Variants in RAB3C observed in about 807,000 individuals in gnomAD.
The protein encoded by RAB3C is RAB3C, member RAS oncogene family.
Under a neutral mutation model 26.4 loss-of-function variants are expected in RAB3C, and 17 were observed. That is an observed-to-expected ratio of 0.64 (90% CI 0.44 to 0.97). The LOEUF (loss-of-function observed/expected upper bound fraction) is 0.97, where lower values mean the gene tolerates loss of function less well. Among genes scored for constraint, RAB3C ranks in the 50% least tolerant of loss-of-function variants. The pLI, the probability that RAB3C is intolerant of heterozygous loss-of-function variation, is 0.00. For synonymous variants in RAB3C, 91 were observed against 95.9 expected (o/e 0.95, Z 0.30); for missense variants, 242 against 281.9 (o/e 0.86, Z 1.01).
At chr5:58,600,433 A>G (rs1024415107) in intron 1 of RAB3C, among the ~76,000 whole-genome samples, 10 of 151,972 alleles carry the variant, frequency 6.6e-5, no homozygotes, top group Non-Finnish European at 1.5e-4. Context: ...TTTTGGCAGT[A>G]TGGTCATTTT....
chr5:58,825,232 G>A (rs3749734), intron 4 of RAB3C, 70 bp downstream of exon 4: 316,554 of 1,418,816 alleles, frequency 0.22, 37,030 homozygotes, highest in South Asian at 0.32. Flanking sequence ...TACAGAGTCC[G>A]AGCTAATTGT....
rs1001030492 is a variant in RAB3C, at chr5:58,852,963, G to A, written c.*1612G>A. On this transcript the variant is annotated 3_prime_UTR_variant, in exon 5 of 5. Coordinates refer to ENST00000282878, the MANE Select transcript of RAB3C (RefSeq NM_138453.4). ...ATCTTTGGAGAATAAATCCTTACAA[G>A]TCACAGAACTAGGTCACACACATTA... The A allele has an allele frequency of 2.6e-5, 4 of 152,144 alleles. No homozygotes were observed. The highest frequency in any genetic ancestry group is 5.9e-5 in the Non-Finnish European group (4 of 68,034). The allele number at this position is 152,144 out of a possible 1,614,324, so 9.4% of individuals were successfully genotyped here. A position where few individuals can be genotyped will look rare whatever the true frequency, so the allele number is the denominator to read the frequency against.
intron 3 of RAB3C, among the ~76,000 whole-genome samples, chr5:58,774,869 G>A (rs1244119651): frequency 6.6e-6 from 1 of 152,156 alleles, no homozygotes; most frequent in Non-Finnish European, 1.5e-5. Flanking sequence ...AGCTGAGCGA[G>A]AGGTGGAACT....
chr5:58,824,562 TTTAAG>T, intron 3 of RAB3C, among the ~76,000 whole-genome samples: 1 of 152,234 alleles, frequency 6.6e-6, no homozygotes, highest in Non-Finnish European at 1.5e-5. Flanking sequence ...TCTTTAGCTC[TTTAAG>T]TTGTTACTGT....
At position 58,792,276 on chromosome 5, in the gene RAB3C, T is replaced by A. The variant is rs574503634; in HGVS notation, c.372-32762T>A. Among the ~76,000 whole-genome samples the A allele has an allele frequency of 2.0e-5, 3 of 152,288 alleles. No individual in the cohort carries two copies. The South Asian group carries it at 6.2e-4, about 32-fold the overall frequency. On this transcript the variant is annotated intron_variant, in intron 3 of 4. Coordinates refer to ENST00000282878, the MANE Select transcript of RAB3C (RefSeq NM_138453.4). ...TGGTGGCTTCTATATCTGGAATACT[T>A]CCAGGAATTAAGGAAAAGGTGAAGG...
rs1743728809 is a variant in RAB3C at position 58,835,579 on chromosome 5, C to T, written c.496+10417C>T. On this transcript the variant is annotated intron_variant, in intron 4 of 4. Coordinates refer to ENST00000282878, the MANE Select transcript of RAB3C (RefSeq NM_138453.4). ...TACCTGGATTTGGCTCAGAACTTCA[C>T]CTTTGCTCCTTCTCTTAGAATGATC... 5.9e-5 allele frequency among the ~76,000 whole-genome samples: 9 copies of T among 152,304 alleles called. No homozygotes were observed. The South Asian group carries it at 1.9e-3, about 32-fold the overall frequency.
intron 3 of RAB3C, among the ~76,000 whole-genome samples, chr5:58,784,544 A>G (rs1437269799): frequency 6.6e-6 from 1 of 152,086 alleles, no homozygotes; most frequent in Admixed American, 6.6e-5. Flanking sequence ...AAGCCATATC[A>G]CTCGGTTTAC....
chr5:58,796,620 G>A (rs1742655685), intron 3 of RAB3C, among the ~76,000 whole-genome samples: 1 of 152,172 alleles, frequency 6.6e-6, no homozygotes, highest in African/African-American at 2.4e-5. Flanking sequence ...GAGGCACCTG[G>A]AGACTGTCAT....
intron 3 of RAB3C, among the ~76,000 whole-genome samples, chr5:58,796,132 A>T (rs930499698): frequency 2.2e-4 from 33 of 152,322 alleles, no homozygotes; most frequent in African/African-American, 7.7e-4. Context: ...TAAAAATCTA[A>T]CAGGGTCTGG....
At chr5:58,838,469 A>G (rs1443747657) in intron 4 of RAB3C, among the ~76,000 whole-genome samples, 1 of 151,822 alleles carries the variant, frequency 6.6e-6, no homozygotes, top group Admixed American at 6.6e-5. Context: ...TCAGTAGCAT[A>G]TTGTTTAATT....
intron 3 of RAB3C, among the ~76,000 whole-genome samples, chr5:58,824,170 G>A (rs1016218132): frequency 6.6e-6 from 1 of 151,844 alleles, no homozygotes; most frequent in Non-Finnish European, 1.5e-5. Context: ...ATTGTGAATA[G>A]TGTCGCAATA....
At chr5:58,843,841 A>C (rs912519674) in intron 4 of RAB3C, among the ~76,000 whole-genome samples, 2 of 152,216 alleles carry the variant, frequency 1.3e-5, no homozygotes, top group African/African-American at 4.8e-5. Flanking sequence ...AACTAAAAAC[A>C]AAGGAAAAGT....
intron 3 of RAB3C, among the ~76,000 whole-genome samples, chr5:58,736,689 T>C (rs1049937461): frequency 6.6e-6 from 1 of 152,200 alleles, no homozygotes; most frequent in Non-Finnish European, 1.5e-5. Flanking sequence ...CATAGTCATA[T>C]TGGATTGGGG....
intron 1 of RAB3C, among the ~76,000 whole-genome samples, chr5:58,600,154 A>T (rs1007927924): frequency 2.0e-5 from 3 of 151,946 alleles, no homozygotes; most frequent in African/African-American, 7.3e-5. Flanking sequence ...GGCTGTAAGT[A>T]TTTGCGTTTA....
intron 2 of RAB3C, among the ~76,000 whole-genome samples, chr5:58,684,157 A>AACATTGTTACATTCTC (rs1336130767): frequency 2.0e-5 from 3 of 152,208 alleles, no homozygotes; most frequent in Admixed American, 6.5e-5. Flanking sequence ...ACAATACCGT[A>AACATTGTTACATTCTC]TAACAACTAT....
chr5:58,667,990 C>G (rs1009781509), intron 2 of RAB3C, among the ~76,000 whole-genome samples: 2 of 152,050 alleles, frequency 1.3e-5, no homozygotes, highest in African/African-American at 4.8e-5. Context: ...AACAAAGAAA[C>G]AAACAAAACC....
intron 1 of RAB3C, among the ~76,000 whole-genome samples, chr5:58,587,044 T>C (rs551114454): frequency 7.9e-4 from 120 of 152,246 alleles, no homozygotes; most frequent in Non-Finnish European, 1.3e-3. Flanking sequence ...TAATTGACTT[T>C]AGAGAAATGA....
At chr5:58,592,194 C>T (rs1746147789) in intron 1 of RAB3C, among the ~76,000 whole-genome samples, 1 of 152,120 alleles carries the variant, frequency 6.6e-6, no homozygotes, top group South Asian at 2.1e-4. Context: ...CCACTGCACC[C>T]AGCCCTCTAT....
chr5:58,810,374 T>TCTCTCG (rs1554020141), intron 3 of RAB3C, among the ~76,000 whole-genome samples: 55 of 146,444 alleles, frequency 3.8e-4, no homozygotes, highest in African/African-American at 9.0e-4. Context: ...GCTCTCTCTC[T>TCTCTCG]CTCTCTCTCT....
Sources: gnomAD v4.1 joint callset for allele counts (sites outside exome capture counted in the v4.1 genomes callset) on GRCh38, gnomAD v4.1.1 for gene constraint, MANE v1.5 for transcripts, NCBI Gene and HGNC (gene_info 2026-07-23, HGNC 2026-07-21) for gene names.